The following PI4K2B variants were observed in gnomAD, a reference collection of about 807,000 sequenced individuals.
PI4K2B encodes phosphatidylinositol 4-kinase type 2-beta.
A neutral mutation model predicts 56.6 loss-of-function variants in PI4K2B; 46 were observed. That is an observed-to-expected ratio of 0.81 (90% CI 0.64 to 1.04). The LOEUF (loss-of-function observed/expected upper bound fraction) is 1.04. Among genes scored for constraint, PI4K2B ranks in the 50% least tolerant of loss-of-function variants. The probability of loss-of-function intolerance (pLI) is 0.00; values close to 1 mark genes in which losing one functional copy is unlikely to be tolerated. For synonymous variants in PI4K2B, 211 were observed against 223.8 expected, an observed-to-expected ratio of 0.94 and a Z score of 0.51; for missense variants, 556 against 607.7, an observed-to-expected ratio of 0.91 and a Z score of 0.89.
chr4:25,274,388 C>G (rs1717023673), intron 9 of PI4K2B, among the ~76,000 whole-genome samples: 1 of 151,958 alleles, frequency 6.6e-6, no homozygotes, highest in Non-Finnish European at 1.5e-5. Flanking sequence ...AGAATTTGCT[C>G]CATTCTATTT....
chr4:25,236,974 T>A (rs1291475518), intron 1 of PI4K2B, among the ~76,000 whole-genome samples: 1 of 152,262 alleles, frequency 6.6e-6, no homozygotes, highest in Non-Finnish European at 1.5e-5. Flanking sequence ...CCATCCGATT[T>A]CCATGAAACT....
rs1717214106 is a variant in PI4K2B at position 25,279,180 on chromosome 4, A to G, written c.*1993A>G. 6.9e-6 allele frequency: 1 copy of G among 145,174 alleles called. No homozygotes were observed. The highest frequency in any genetic ancestry group is 2.5e-5 in the African/African-American group (1 of 39,736). The allele number at this position is 145,174 out of a possible 1,614,324, so 9.0% of individuals were successfully genotyped here. A position where few individuals can be genotyped will look rare whatever the true frequency, so the allele number is the denominator to read the frequency against. ...GATGCCAAACTATCATTTTCTTCAT[A>G]TATTAAAGGTATAGTTTAATTCTTT... is the stretch of plus-strand genomic sequence containing the variant. On this transcript the variant is annotated 3_prime_UTR_variant, in exon 10 of 10. Coordinates refer to ENST00000264864, the MANE Select transcript of PI4K2B (RefSeq NM_018323.4).
At chr4:25,240,909 C>T (rs1307815881) in intron 1 of PI4K2B, among the ~76,000 whole-genome samples, 1 of 152,068 alleles carries the variant, frequency 6.6e-6, no homozygotes, top group African/African-American at 2.4e-5. Flanking sequence ...CTCTCTGTCT[C>T]TTCCTCTCTG....
intron 9 of PI4K2B, chr4:25,276,681 T>C: frequency 1.0e-6 from 1 of 984,400 alleles, no homozygotes; most frequent in Non-Finnish European, 1.2e-6. Flanking sequence ...TTATGTTAAA[T>C]TGAATATGTA....
At chr4:25,255,293 G>C in intron 3 of PI4K2B, 28 bp downstream of exon 3, 7 of 1,571,006 alleles carry the variant, frequency 4.5e-6, no homozygotes, top group Non-Finnish European at 6.1e-6. Context: ...TTTAACCATG[G>C]ACTTTTAATT....
rs543531854 is a variant in PI4K2B, at chr4:25,270,448, C to T, written c.1272+1245C>T. ...TCAACCTCTGTCTCCCAGGTTCAAG[C>T]GATTCTCCTGCCTCAGCCTCCCAAG... On this transcript the variant is annotated intron_variant, in intron 9 of 9. Coordinates refer to ENST00000264864, the MANE Select transcript of PI4K2B (RefSeq NM_018323.4). Among the ~76,000 whole-genome samples the T allele has an allele frequency of 3.3e-4, 50 of 152,044 alleles. No homozygotes were observed. In the South Asian group the frequency reaches 9.6e-3, roughly 29 times the overall value.
intron 1 of PI4K2B, among the ~76,000 whole-genome samples, chr4:25,242,318 C>T (rs1009615384): frequency 7.2e-5 from 11 of 152,198 alleles, no homozygotes; most frequent in South Asian, 2.1e-4. Context: ...GAGAAGTGGC[C>T]TAGACCTTGG....
intron 6 of PI4K2B, 68 bp downstream of exon 6, chr4:25,260,659 CACACAT>C (rs1406192274): frequency 3.9e-5 from 13 of 332,702 alleles, no homozygotes; most frequent in South Asian, 2.2e-4. Flanking sequence ...CACACACACA[CACACAT>C]ACACACACAC....
intron 5 of PI4K2B, among the ~76,000 whole-genome samples, chr4:25,260,197 C>T (rs1716406924): frequency 6.6e-6 from 1 of 151,962 alleles, no homozygotes; most frequent in African/African-American, 2.4e-5. Context: ...GCTTTTTCTT[C>T]CTAAAGTGAA....
chr4:25,278,402 G>C lies in PI4K2B; in HGVS notation c.*1215G>C, dbSNP rs1296533494. 6.6e-6 allele frequency: 1 copy of C among 152,168 alleles called. No individual in the cohort carries two copies. Among genetic ancestry groups the C allele is most frequent in the Admixed American group, 6.5e-5 (1 of 15,280 alleles). The allele number at this position is 152,168 out of a possible 1,614,324, so 9.4% of individuals were successfully genotyped here. ...AATGTCACCACTTGGGCTTAACTGG[G>C]TAATTTGTGGTCTAGGCCTTTTGTT... On this transcript the variant is annotated 3_prime_UTR_variant, in exon 10 of 10. Coordinates refer to ENST00000264864, the MANE Select transcript of PI4K2B (RefSeq NM_018323.4).
chr4:25,237,395 A>G (rs998343567), intron 1 of PI4K2B, among the ~76,000 whole-genome samples: 1 of 151,654 alleles, frequency 6.6e-6, no homozygotes, highest in African/African-American at 2.4e-5. Context: ...CAGTGGGGGA[A>G]CAGAGTTTCA....
Position 25,260,588 on chromosome 4 carries a change from T to G in PI4K2B, c.975T>G (p.His325Gln), listed in dbSNP as rs1716422634. Residue 325 changes from histidine (H) to glutamine (Q), a missense_variant, in exon 6 of 10, where the codon CAT (histidine) becomes CAG (glutamine). His to Gln is a conservative substitution (Grantham distance 24, BLOSUM62 0). Transcript: ENST00000264864. Reference protein sequence around the residue: ...EKQKCEKEIDHKESKWIDDEE... With the variant: ...EKQKCEKEIDQKESKWIDDEE... ...AGAAATGTGAAAAGGAAATTGACCA[T>G]AAGGTAAGGAAATTTACAATTTTAT... The G allele has an allele frequency of 8.7e-7, 1 of 1,147,992 alleles. No homozygotes were observed. Among genetic ancestry groups the G allele is most frequent in the Non-Finnish European group, 1.2e-6 (1 of 843,740 alleles). 71.1% of individuals were successfully genotyped at this position (1,147,992 alleles called of 1,614,324 possible). A position where few individuals can be genotyped will look rare whatever the true frequency, so the allele number is the denominator to read the frequency against.
At chr4:25,243,297 G>A (rs145544939) in intron 1 of PI4K2B, among the ~76,000 whole-genome samples, 2,747 of 152,330 alleles carry the variant, frequency 0.018, 71 homozygotes, top group African/African-American at 0.058. Context: ...GCACCTTCCA[G>A]TGATTGCTTC....
intron 1 of PI4K2B, among the ~76,000 whole-genome samples, chr4:25,249,602 G>C (rs1263228643): frequency 2.0e-5 from 3 of 147,936 alleles, no homozygotes; most frequent in Non-Finnish European, 3.0e-5. Context: ...CTGGGCGGAG[G>C]GGCTCCTCAC....
At chr4:25,234,798 A>AG (rs1300248802) in intron 1 of PI4K2B, among the ~76,000 whole-genome samples, 4 of 152,236 alleles carry the variant, frequency 2.6e-5, no homozygotes, top group African/African-American at 9.6e-5. Flanking sequence ...TTGAACTCTC[A>AG]GGAAAGTTCC....
intron 1 of PI4K2B, among the ~76,000 whole-genome samples, chr4:25,242,515 A>G (rs1715569411): frequency 6.6e-6 from 1 of 152,206 alleles, no homozygotes; most frequent in South Asian, 2.1e-4. Flanking sequence ...TTCCTCCGGT[A>G]TTTGAGAGAG....
At chr4:25,253,281 A>G (rs1716134466) in intron 2 of PI4K2B, among the ~76,000 whole-genome samples, 1 of 152,220 alleles carries the variant, frequency 6.6e-6, no homozygotes. Flanking sequence ...GGATGATTCT[A>G]AAGTGGAAAA....
At chr4:25,237,435 C>T (rs747956133) in intron 1 of PI4K2B, among the ~76,000 whole-genome samples, 102 of 151,932 alleles carry the variant, frequency 6.7e-4, no homozygotes, top group African/African-American at 1.2e-3. Context: ...ATTGTAATGG[C>T]GTAATCTCGG....
chr4:25,235,421 A>T (rs926795736), intron 1 of PI4K2B, among the ~76,000 whole-genome samples: 1 of 152,232 alleles, frequency 6.6e-6, no homozygotes, highest in Non-Finnish European at 1.5e-5. Context: ...GTGGTACACT[A>T]ATGTGTCCTT....
Sources: allele counts gnomAD v4.1 joint callset (sites outside exome capture counted in the v4.1 genomes callset), GRCh38; gene constraint gnomAD v4.1.1; transcripts MANE v1.5; gene names NCBI Gene and HGNC (gene_info 2026-07-23, HGNC 2026-07-21).